The following DIP2B variants were observed in gnomAD, a reference collection of about 807,000 sequenced individuals.
The protein encoded by DIP2B is disco-interacting protein 2 homolog B.
In DIP2B, 76 loss-of-function variants were observed where a neutral mutation model predicts 198.0. The ratio of observed to expected loss-of-function variants is 0.38; its 90% CI spans 0.32 to 0.46. The LOEUF (loss-of-function observed/expected upper bound fraction) is 0.46, where lower values mean the gene tolerates loss of function less well. Among genes scored for constraint, DIP2B ranks in the 20% least tolerant of loss-of-function variants. The pLI is 0.99. For missense variants in DIP2B, 1,559 were observed against 1,978.4 expected (o/e 0.79, Z 4.02); for synonymous variants, 701 against 739.1 (o/e 0.95, Z 0.84).
At chr12:50,648,965 A>C (rs1593685942) in intron 3 of DIP2B, among the ~76,000 whole-genome samples, 1 of 152,226 alleles carries the variant, frequency 6.6e-6, no homozygotes, top group East Asian at 1.9e-4. Context: ...ATATGCAAAT[A>C]ATAAGCAGTT....
rs549838662 is a variant in DIP2B at position 50,520,886 on chromosome 12, T to C, written c.100+15646T>C. The stretch of plus-strand genomic sequence containing the variant: ...ATCTGACACTCTTCTATTACAATCA[T>C]ATGGGTTTCCTCACTCTTTCTTGGC... On this transcript the variant is annotated intron_variant, in intron 1 of 37. Coordinates refer to ENST00000301180, the MANE Select transcript of DIP2B (RefSeq NM_173602.3). Among the ~76,000 whole-genome samples, 4 of 152,142 alleles carry C rather than the reference T, an allele frequency of 2.6e-5. 1 individual carries two copies. The highest frequency in any genetic ancestry group is 6.6e-5 in the Admixed American group (1 of 15,264).
At position 50,746,270 on chromosome 12, in the gene DIP2B, G is replaced by A. The variant is rs1342370127; in HGVS notation, c.*1431G>A. 6.6e-6 allele frequency: 1 copy of A among 152,134 alleles called. No homozygotes were observed. The highest frequency in any genetic ancestry group is 1.5e-5 in the Non-Finnish European group (1 of 68,018). The allele number at this position is 152,134 out of a possible 1,614,324, so 9.4% of individuals were successfully genotyped here. A position where few individuals can be genotyped will look rare whatever the true frequency, so the allele number is the denominator to read the frequency against. The stretch of plus-strand genomic sequence containing the variant: ...AAAATGAAAAAGTACTCAAAAGTGA[G>A]AAGAGTTAACTTGTCAAAGCAGAAT... On this transcript the variant is annotated 3_prime_UTR_variant, in exon 38 of 38. Transcript: ENST00000301180.
intron 3 of DIP2B, among the ~76,000 whole-genome samples, chr12:50,644,372 A>G (rs1938313232): frequency 6.6e-6 from 1 of 152,350 alleles, no homozygotes; most frequent in South Asian, 2.1e-4. Flanking sequence ...TTGAGAAGTT[A>G]GGTACCTCAA....
chr12:50,671,155 C>T (rs371530693), intron 4 of DIP2B, 31 bp from the exon 5 acceptor site: 24 of 1,607,618 alleles, frequency 1.5e-5, no homozygotes, highest in East Asian at 2.2e-5. Flanking sequence ...TAGGTAGGAT[C>T]GAGAACTTCT....
chr12:50,659,653 G>A (rs534747160), intron 3 of DIP2B, among the ~76,000 whole-genome samples: 32 of 152,140 alleles, frequency 2.1e-4, no homozygotes, highest in Middle Eastern at 6.8e-3. Flanking sequence ...GCCCAAAGTG[G>A]CAAACAATTA....
chr12:50,511,450 G>A (rs540334024), intron 1 of DIP2B, among the ~76,000 whole-genome samples: 49 of 151,432 alleles, frequency 3.2e-4, no homozygotes, highest in African/African-American at 1.2e-3. Context: ...TGTCACTACC[G>A]TCTGGCTAAT....
At chr12:50,521,279 G>A (rs912609395) in intron 1 of DIP2B, among the ~76,000 whole-genome samples, 7 of 150,690 alleles carry the variant, frequency 4.6e-5, no homozygotes, top group African/African-American at 1.7e-4. Context: ...GCTAATTTTT[G>A]TATTTTTAGT....
chr12:50,527,671 C>G (rs1291883408), intron 1 of DIP2B, among the ~76,000 whole-genome samples: 1 of 152,092 alleles, frequency 6.6e-6, no homozygotes, highest in Non-Finnish European at 1.5e-5. Flanking sequence ...GATCGTGCCA[C>G]TACACTCTAG....
At position 50,580,688 on chromosome 12, in the gene DIP2B, C is replaced by T. The variant is rs947962245; in HGVS notation, c.101-45288C>T. Among the ~76,000 whole-genome samples the T allele has an allele frequency of 1.1e-4, 16 of 148,156 alleles. 1 individual carries two copies. Among genetic ancestry groups the T allele is most frequent in the South Asian group, 4.5e-4 (2 of 4,456 alleles). Reference sequence around the variant, plus strand: ...CTGAGGCAATTTTGCACCCCTCAACCGTCAGGGTACATTTGGCAAGGTCTA... The same window carrying T: ...CTGAGGCAATTTTGCACCCCTCAACTGTCAGGGTACATTTGGCAAGGTCTA... On this transcript the variant is annotated intron_variant, in intron 1 of 37. Transcript: ENST00000301180.
rs950821596 is a variant in DIP2B at position 50,744,679 on chromosome 12, A to G, written c.4571A>G (p.Asn1524Ser). ...CTAGATCTGGTCCCATTAGTGACCA[A>G]CGTGGTCCTGGAAGAGCATTACCTC... ...EALDLVPLVT[N>S]VVLEEHYLIV... Residue 1524 changes from asparagine (N) to serine (S), a missense_variant, in exon 38 of 38, where the codon AAC becomes AGC. Physicochemically the swap from Asn to Ser is conservative, Grantham distance 46. Coordinates refer to ENST00000301180, the MANE Select transcript of DIP2B (RefSeq NM_173602.3). The G allele has an allele frequency of 2.5e-6, 4 of 1,614,218 alleles. No individual in the cohort carries two copies. The highest frequency in any genetic ancestry group is 1.1e-5 in the South Asian group (1 of 91,084).
At chr12:50,615,113 T>C (rs1483760951) in intron 1 of DIP2B, among the ~76,000 whole-genome samples, 1 of 152,184 alleles carries the variant, frequency 6.6e-6, no homozygotes, top group East Asian at 1.9e-4. Context: ...ATTGCTCCAA[T>C]TGATGCAAGA....
chr12:50,675,021 G>A (rs145510711), intron 6 of DIP2B, among the ~76,000 whole-genome samples: 20 of 152,222 alleles, frequency 1.3e-4, no homozygotes, highest in Admixed American at 3.9e-4. Context: ...AAAATTAGGC[G>A]GAGCTTGCAG....
chr12:50,728,263 C>T (rs942431650), intron 29 of DIP2B, among the ~76,000 whole-genome samples: 1 of 151,948 alleles, frequency 6.6e-6, no homozygotes, highest in African/African-American at 2.4e-5. Flanking sequence ...CCTGTAATCC[C>T]AGCTACTCAG....
chr12:50,708,366 T>C, intron 21 of DIP2B, 82 bp from the exon 22 acceptor site: 1 of 1,279,922 alleles, frequency 7.8e-7, no homozygotes, highest in Non-Finnish European at 1.1e-6. Context: ...TGGGGTTGTC[T>C]CCTCTCTGTA....
At chr12:50,645,931 A>G (rs1279945808) in intron 3 of DIP2B, among the ~76,000 whole-genome samples, 1 of 152,030 alleles carries the variant, frequency 6.6e-6, no homozygotes, top group Non-Finnish European at 1.5e-5. Context: ...ATACCAAACT[A>G]TTGAGGCAGG....
chr12:50,554,400 A>G (rs1958451610), intron 1 of DIP2B, among the ~76,000 whole-genome samples: 1 of 151,708 alleles, frequency 6.6e-6, no homozygotes, highest in African/African-American at 2.4e-5. Context: ...TTCTGCTTAG[A>G]TTTTGTTTTC....
rs1940328368 is a variant in DIP2B, at chr12:50,745,433, A to G, written c.*594A>G. On this transcript the variant is annotated 3_prime_UTR_variant, in exon 38 of 38. Transcript: ENST00000301180. ...TACACATAATTCAACTAGAGATTTG[A>G]AGAATTGGCTTGTATAGTTATAACA... 1 of 153,326 alleles carries G rather than the reference A, an allele frequency of 6.5e-6. No homozygotes were observed. The highest frequency in any genetic ancestry group is 2.4e-5 in the African/African-American group (1 of 41,462). 9.5% of individuals were successfully genotyped at this position (153,326 alleles called of 1,614,324 possible).
At position 50,719,105 on chromosome 12, in the gene DIP2B, T is replaced by A; in HGVS notation, c.3042+70T>A. ...GACCATCTTAGGCACTCTTGATCTC[T>A]TTCTTTCATCAGAAAATTTCTGTTG... On this transcript the variant is annotated intron_variant, in intron 25 of 37. Coordinates refer to ENST00000301180, the MANE Select transcript of DIP2B (RefSeq NM_173602.3). The A allele has an allele frequency of 2.7e-6, 4 of 1,497,464 alleles. No individual in the cohort carries two copies. In the South Asian group the frequency reaches 4.9e-5, roughly 18 times the overall value. The allele number at this position is 1,497,464 out of a possible 1,614,324, so 92.8% of individuals were successfully genotyped here.
chr12:50,727,382 A>G (rs1236061177), intron 28 of DIP2B, among the ~76,000 whole-genome samples: 1 of 152,238 alleles, frequency 6.6e-6, no homozygotes, highest in Non-Finnish European at 1.5e-5. Context: ...AAGAGGTGAA[A>G]TAACTCCAAG....
Sources: gnomAD v4.1 joint callset for allele counts (sites outside exome capture counted in the v4.1 genomes callset) on GRCh38, gnomAD v4.1.1 for gene constraint, MANE v1.5 for transcripts, NCBI Gene and HGNC (gene_info 2026-07-23, HGNC 2026-07-21) for gene names.